The following CLDN16 variants were observed in gnomAD, a reference collection of about 807,000 sequenced individuals.
CLDN16 encodes the protein claudin 16.
In CLDN16, 13 loss-of-function variants were observed where a neutral mutation model predicts 24.6. The ratio of observed to expected loss-of-function variants is 0.53; its 90% CI spans 0.34 to 0.84. The LOEUF is 0.84. Ranked by LOEUF, CLDN16 falls within the 40% of genes least tolerant of loss-of-function variation. The pLI is 0.01. For missense variants in CLDN16, 298 were observed against 292.7 expected, an observed-to-expected ratio of 1.02 and a Z score of -0.13; for synonymous variants, 116 against 106.7, an observed-to-expected ratio of 1.09 and a Z score of -0.54.
rs183697100 is a variant in CLDN16, at chr3:190,398,783, T to G, written c.115-3554T>G. Among the ~76,000 whole-genome samples the G allele has an allele frequency of 2.8e-3, 433 of 152,294 alleles. 2 individuals carry two copies. Among genetic ancestry groups the G allele is most frequent in the Non-Finnish European group, 4.0e-3 (271 of 68,030 alleles). On this transcript the variant is annotated intron_variant, in intron 1 of 4. Transcript: ENST00000264734. Reference sequence around the variant, plus strand: ...TTTAATTCTTATAACCATCCTATGATTATCTCCCGTATACAGATAAGGAGA... The same window carrying G: ...TTTAATTCTTATAACCATCCTATGAGTATCTCCCGTATACAGATAAGGAGA...
At chr3:190,405,905 T>G (rs1214530219) in intron 3 of CLDN16, among the ~76,000 whole-genome samples, 1 of 152,222 alleles carries the variant, frequency 6.6e-6, no homozygotes, top group Non-Finnish European at 1.5e-5. Flanking sequence ...TCCTCTTCTT[T>G]TGCAACATAA....
chr3:190,332,322 A>C (rs1717197801), intron 1 of CLDN16, among the ~76,000 whole-genome samples: 1 of 152,220 alleles, frequency 6.6e-6, no homozygotes. Flanking sequence ...ATATGTAATG[A>C]AATTAATTAA....
chr3:190,375,663 A>C (rs751901891), intron 3 of CLDN16, among the ~76,000 whole-genome samples: 3 of 151,924 alleles, frequency 2.0e-5, no homozygotes, highest in Non-Finnish European at 4.4e-5. Context: ...CTCTTTATTA[A>C]ACATTTACTG....
upstream of CLDN16, chr3:190,322,141 G>C (rs562285276): frequency 1.2e-6 from 2 of 1,614,228 alleles, no homozygotes; most frequent in Non-Finnish European, 8.5e-7. Flanking sequence ...CAGTGCTGAC[G>C]ATGGCGCCGA....
At chr3:190,368,003 G>A (rs1034362291) in intron 1 of CLDN16, among the ~76,000 whole-genome samples, 1 of 151,868 alleles carries the variant, frequency 6.6e-6, no homozygotes, top group Non-Finnish European at 1.5e-5. Flanking sequence ...GTCCTGATGT[G>A]TTGGGGAAGC....
Position 190,350,344 on chromosome 3 carries a change from T to TATATATATATATATATATA in CLDN16, n.122-20549_122-20548insATATATATATATATATATA, listed in dbSNP as rs1560085135. Among the ~76,000 whole-genome samples, 99 of 142,038 alleles carry TATATATATATATATATATA rather than the reference T, an allele frequency of 7.0e-4. 1 individual carries two copies. The highest frequency in any genetic ancestry group is 1.1e-3 in the South Asian group (5 of 4,572). The allele number at this position is 142,038 out of a possible 152,430, so 93.2% of individuals were successfully genotyped here. On this transcript the variant is annotated intron_variant and non_coding_transcript_variant, in intron 1 of 4. Coordinates refer to the CLDN16 transcript ENST00000468220. The stretch of plus-strand genomic sequence containing the variant: ...AGTTTAAGAATCATAGTTCATAATG[T>TATATATATATATATATATA]TATATATATATATATATATATACTT...
At chr3:190,301,510 A>C in the CLDN16 span, among the ~76,000 whole-genome samples, 1 of 151,828 alleles carries the variant, frequency 6.6e-6, no homozygotes, top group African/African-American at 2.4e-5. Context: ...AAAGAAGAAG[A>C]AGAAGAAGGG....
At chr3:190,359,414 T>C (rs978092101) in intron 1 of CLDN16, among the ~76,000 whole-genome samples, 2 of 152,066 alleles carry the variant, frequency 1.3e-5, no homozygotes, top group African/African-American at 4.8e-5. Context: ...CAGTAAACTC[T>C]AATTGAATTA....
chr3:190,294,679 A>G, the CLDN16 span, among the ~76,000 whole-genome samples: 4,226 of 152,210 alleles, frequency 0.028, 121 homozygotes, highest in Admixed American at 0.091. Context: ...TAATTTAAAA[A>G]CAATTTCTTC....
At chr3:190,316,562 T>C in the CLDN16 span, among the ~76,000 whole-genome samples, 646 of 152,288 alleles carry the variant, frequency 4.2e-3, 4 homozygotes, top group African/African-American at 0.015. Context: ...CAAATCTAAA[T>C]TGCACAGTTT....
the CLDN16 span, chr3:190,308,418 G>A: frequency 6.2e-7 from 1 of 1,613,604 alleles, no homozygotes; most frequent in Non-Finnish European, 8.5e-7. Context: ...AGCCAGTGAA[G>A]AGAGCCTGAC....
chr3:190,308,085 G>T, the CLDN16 span: 1 of 628,066 alleles, frequency 1.6e-6, no homozygotes, highest in Non-Finnish European at 2.7e-6. Context: ...ATTGAGGAAA[G>T]AAGATAAAAT....
At chr3:190,304,038 C>T in the CLDN16 span, among the ~76,000 whole-genome samples, 6 of 152,180 alleles carry the variant, frequency 3.9e-5, no homozygotes, top group Non-Finnish European at 7.3e-5. Context: ...TGACATAGGC[C>T]TGTGGTTTGC....
At chr3:190,363,596 A>ATATATATTTT (rs1460049752) in intron 1 of CLDN16, among the ~76,000 whole-genome samples, 1 of 131,180 alleles carries the variant, frequency 7.6e-6, no homozygotes, top group Non-Finnish European at 1.6e-5. Flanking sequence ...ATATATATAT[A>ATATATATTTT]TTTTCTTTCT....
chr3:190,402,530 G>A (rs1169945569), intron 2 of CLDN16, 91 bp downstream of exon 2: 1 of 982,224 alleles, frequency 1.0e-6, no homozygotes, highest in Admixed American at 1.8e-5. Flanking sequence ...GTTTTCTATT[G>A]TACTATATTA....
At chr3:190,339,986 C>T (rs1360771745) in intron 1 of CLDN16, among the ~76,000 whole-genome samples, 1 of 151,986 alleles carries the variant, frequency 6.6e-6, no homozygotes, top group Admixed American at 6.6e-5. Context: ...GAGATTTATC[C>T]CTGGAATAAA....
At chr3:190,315,799 G>A in the CLDN16 span, among the ~76,000 whole-genome samples, 3 of 152,236 alleles carry the variant, frequency 2.0e-5, no homozygotes, top group Admixed American at 6.5e-5. Flanking sequence ...TGCCCAGCAG[G>A]TCTGAGCACT....
At chr3:190,361,998 C>A (rs932133292) in intron 1 of CLDN16, among the ~76,000 whole-genome samples, 1 of 148,808 alleles carries the variant, frequency 6.7e-6, no homozygotes, top group Non-Finnish European at 1.5e-5. Context: ...AAATGGCACA[C>A]CTGGTCTAAC....
intron 1 of CLDN16, among the ~76,000 whole-genome samples, chr3:190,338,822 G>A (rs1369018185): frequency 6.6e-6 from 1 of 152,202 alleles, no homozygotes; most frequent in Non-Finnish European, 1.5e-5. Flanking sequence ...GAATGGATTT[G>A]AGAAGTGTGA....
Sources: gnomAD v4.1 joint callset for allele counts (sites outside exome capture counted in the v4.1 genomes callset) on GRCh38, gnomAD v4.1.1 for gene constraint, MANE v1.5 for transcripts, NCBI Gene and HGNC (gene_info 2026-07-23, HGNC 2026-07-21) for gene names.